FBXL13: variants seen among roughly 807,000 people sequenced by gnomAD.
The protein encoded by FBXL13 is F-box and leucine rich repeat protein 13.
A neutral mutation model predicts 83.6 loss-of-function variants in FBXL13; 67 were observed. The observed-to-expected ratio is 0.80, with a 90% CI of 0.66 to 0.98. The LOEUF (loss-of-function observed/expected upper bound fraction) is 0.98, where lower values mean the gene tolerates loss of function less well. Ranked by LOEUF, FBXL13 falls within the 50% of genes least tolerant of loss-of-function variation. The pLI, the probability that FBXL13 is intolerant of heterozygous loss-of-function variation, is 0.00. For missense variants in FBXL13, 822 were observed against 866.5 expected (o/e 0.95, Z 0.64); for synonymous variants, 272 against 299.5 (o/e 0.91, Z 0.95).
chr7:102,877,356 A>T, intron 16 of FBXL13, 111 bp downstream of exon 17: 1 of 974,184 alleles, frequency 1.0e-6, no homozygotes. Flanking sequence ...TAACTTTTAT[A>T]ATAGAATAAC....
At chr7:102,934,145 G>A in intron 8 of FBXL13, 1 of 1,614,160 alleles carries the variant, frequency 6.2e-7, no homozygotes, top group Non-Finnish European at 8.5e-7. Context: ...TGTGCTGCCT[G>A]GTTGGCCTCA....
chr7:102,903,946 T>TTTATTTA lies in FBXL13; in HGVS notation c.1008+9139_1008+9140insTAAATAA, dbSNP rs1554447258. Among the ~76,000 whole-genome samples the TTTATTTA allele has an allele frequency of 9.6e-4, 138 of 143,038 alleles. 2 individuals are homozygous for TTTATTTA. In the South Asian group the frequency reaches 0.014, roughly 14 times the overall value. The allele number at this position is 143,038 out of a possible 152,430, so 93.8% of individuals were successfully genotyped here. Reference sequence around the variant, plus strand: ...GTAGTTTTCTTTTCTTTTCTTTTTTTTTTTTTTTTTTTTTTTGCTGTATCT... The same window carrying TTTATTTA: ...GTAGTTTTCTTTTCTTTTCTTTTTTTTTATTTATTTTTTTTTTTTTTTTGCTGTATCT... On this transcript the variant is annotated intron_variant, in intron 11 of 19. Transcript: ENST00000313221.
intron 5 of FBXL13, 83 bp from the exon 7 acceptor site, chr7:103,025,313 A>C: frequency 1.3e-6 from 1 of 777,230 alleles, no homozygotes; most frequent in South Asian, 2.0e-5. Flanking sequence ...AGTGCTTGAC[A>C]CAAGAATAGG....
At chr7:102,958,580 G>A (rs201147750) in intron 8 of FBXL13, among the ~76,000 whole-genome samples, 1 of 133,066 alleles carries the variant, frequency 7.5e-6, no homozygotes, top group Non-Finnish European at 1.6e-5. Flanking sequence ...AACAGAGACA[G>A]AGAGAGCAAA....
In FBXL13 at chr7:103,043,104, GAACTT is replaced by G. The variant is rs754504114; in HGVS notation, c.-1+12535_-1+12539del. ...AGGGCTAATATCCAGAATCTACAAA[GAACTT>G]AAACAAATTTACAAGAAAAAAACAA... On this transcript the variant is annotated intron_variant, in intron 2 of 19. Coordinates refer to ENST00000313221, the Ensembl canonical transcript of FBXL13. Among the ~76,000 whole-genome samples the G allele has an allele frequency of 2.3e-4, 35 of 152,138 alleles. 1 individual carries two copies. Among genetic ancestry groups the G allele is most frequent in the Admixed American group, 1.5e-3 (23 of 15,272 alleles).
intron 1 of FBXL13, among the ~76,000 whole-genome samples, chr7:103,061,893 G>A (rs1228208222): frequency 1.4e-4 from 20 of 145,910 alleles, no homozygotes; most frequent in African/African-American, 4.9e-4. Flanking sequence ...AGCTGAGATC[G>A]CGCCACTGCA....
intron 8 of FBXL13, among the ~76,000 whole-genome samples, chr7:102,941,257 A>G (rs1471698114): frequency 6.6e-6 from 1 of 152,184 alleles, no homozygotes; most frequent in Non-Finnish European, 1.5e-5. Context: ...TTAGCATTAC[A>G]TTAGTGTGCA....
Position 102,821,855 on chromosome 7 carries a change from G to A in FBXL13, c.2018+185C>T, listed in dbSNP as rs190287150. Among the ~76,000 whole-genome samples the A allele has an allele frequency of 3.9e-5, 6 of 152,256 alleles. No homozygotes were observed. In the East Asian group the frequency reaches 1.2e-3, roughly 29 times the overall value. On this transcript the variant is annotated intron_variant, in intron 19 of 19. Coordinates refer to ENST00000313221, the Ensembl canonical transcript of FBXL13. ...TAAAGTAAAAGGCCTACTGGAAAAG[G>A]GATAGGAAACCACAAAGGCCGTTTT...
intron 11 of FBXL13, among the ~76,000 whole-genome samples, chr7:102,887,084 A>G (rs1411544154): frequency 6.6e-6 from 1 of 152,244 alleles, no homozygotes; most frequent in African/African-American, 2.4e-5. Flanking sequence ...CAATACAGTT[A>G]CAAGTTAATG....
chr7:102,813,750 G>C (rs1337435459), intron 19 of FBXL13, among the ~76,000 whole-genome samples: 14 of 152,172 alleles, frequency 9.2e-5, no homozygotes, highest in Admixed American at 9.2e-4. Flanking sequence ...GAAATTAACA[G>C]ATACAGTGAA....
intron 17 of FBXL13, among the ~76,000 whole-genome samples, chr7:102,840,777 A>G (rs1271422167): frequency 6.6e-6 from 1 of 152,246 alleles, no homozygotes; most frequent in Non-Finnish European, 1.5e-5. Flanking sequence ...GTGACCAGGA[A>G]CAAGTCATGT....
chr7:102,978,176 T>C (rs1357992694), intron 6 of FBXL13, among the ~76,000 whole-genome samples: 1 of 152,206 alleles, frequency 6.6e-6, no homozygotes, highest in African/African-American at 2.4e-5. Flanking sequence ...AATGACAAGA[T>C]GGATACTAAC....
chr7:102,934,632 C>A, intron 8 of FBXL13: 1 of 1,608,220 alleles, frequency 6.2e-7, no homozygotes, highest in Non-Finnish European at 8.5e-7. Flanking sequence ...GTGGACTCAA[C>A]TTTTTGCCAC....
intron 18 of FBXL13, among the ~76,000 whole-genome samples, chr7:102,826,728 T>TC (rs1338482906): frequency 6.0e-4 from 13 of 21,694 alleles, no homozygotes; most frequent in African/African-American, 4.0e-3. Context: ...CTGTCTCATA[T>TC]ATATATATAT....
At chr7:102,897,498 C>T (rs550463192) in intron 11 of FBXL13, among the ~76,000 whole-genome samples, 5 of 151,906 alleles carry the variant, frequency 3.3e-5, no homozygotes, top group African/African-American at 7.2e-5. Context: ...ATGGGAAATA[C>T]GAACAAAAGG....
intron 6 of FBXL13, among the ~76,000 whole-genome samples, chr7:103,006,848 A>C (rs1235016854): frequency 6.6e-6 from 1 of 151,000 alleles, no homozygotes; most frequent in Non-Finnish European, 1.5e-5. Context: ...AAAATGTTCA[A>C]GGATACAAAG....
intron 14 of FBXL13, among the ~76,000 whole-genome samples, chr7:102,882,341 A>G (rs976715754): frequency 2.0e-5 from 3 of 152,224 alleles, no homozygotes; most frequent in African/African-American, 7.2e-5. Context: ...GCCAACTTCA[A>G]TGTGGATCAA....
intron 8 of FBXL13, among the ~76,000 whole-genome samples, chr7:102,937,635 T>C (rs192042017): frequency 2.7e-4 from 41 of 152,332 alleles, no homozygotes; most frequent in Admixed American, 8.5e-4. Flanking sequence ...GTTATATTGC[T>C]GATTCCCATA....
At chr7:103,037,853 A>G (rs2129490781) in intron 2 of FBXL13, among the ~76,000 whole-genome samples, 1 of 151,632 alleles carries the variant, frequency 6.6e-6, no homozygotes, top group African/African-American at 2.4e-5. Context: ...GAATAGAAAC[A>G]GCTCCGGTCT....
Sources: allele counts gnomAD v4.1 joint callset (sites outside exome capture counted in the v4.1 genomes callset), GRCh38; gene constraint gnomAD v4.1.1; transcripts MANE v1.5; gene names NCBI Gene and HGNC (gene_info 2026-07-23, HGNC 2026-07-21).